Variants in PSG7 observed in about 807,000 individuals in gnomAD.
PSG7 encodes pregnancy-specific beta-1-glycoprotein 7.
In PSG7, 57 loss-of-function variants were observed where a neutral mutation model predicts 45.6. The ratio of observed to expected loss-of-function variants is 1.25; its 90% CI spans 1.01 to 1.56. PSG7 has a LOEUF of 1.56. Ranked by LOEUF, PSG7 falls within the 40% of genes most tolerant of loss-of-function variation. The probability of loss-of-function intolerance (pLI) is 0.00; values close to 1 mark genes in which losing one functional copy is unlikely to be tolerated. For synonymous variants in PSG7, 298 were observed against 194.4 expected (o/e 1.53, Z -4.43); for missense variants, 796 against 508.4 (o/e 1.57, Z -5.44).
chr19:42,935,604 T>C lies in PSG7; in HGVS notation c.230A>G (p.His77Arg). The change falls in exon 2 of 6, where the codon CAT becomes CGT. Residue 77 changes from histidine (H) to arginine (R), a missense_variant. By Grantham distance (29) the His-to-Arg change is conservative. Coordinates refer to ENST00000406070, the MANE Select transcript of PSG7 (RefSeq NM_002783.3). Reference sequence around the variant, plus strand: ...GTCTACTATATATGATGTAACATAATGGTAGAGGTCCCTGATTTGTCCTTT... The same window carrying C: ...GTCTACTATATATGATGTAACATAACGGTAGAGGTCCCTGATTTGTCCTTT... ...WYKGQIRDLY[H>R]YVTSYIVDGQ... The C allele has an allele frequency of 1.2e-6, 2 of 1,612,184 alleles. No homozygotes were observed. The highest frequency in any genetic ancestry group is 2.2e-5 in the South Asian group (2 of 90,812).
intron 4 of PSG7, 78 bp from the exon 5 acceptor site, chr19:42,926,105 T>C (rs1972881105): frequency 6.4e-7 from 1 of 1,564,916 alleles, no homozygotes; most frequent in African/African-American, 1.4e-5. Flanking sequence ...AGGGACAGAG[T>C]GACCCTCTGA....
intron 2 of PSG7, among the ~76,000 whole-genome samples, chr19:42,930,537 A>G (rs1395280751): frequency 6.6e-6 from 1 of 151,806 alleles, no homozygotes; most frequent in Non-Finnish European, 1.5e-5. Context: ...TTGCAAATAC[A>G]GAACTGACTG....
chr19:42,934,910 T>C (rs1454838922), intron 2 of PSG7, among the ~76,000 whole-genome samples: 1 of 151,668 alleles, frequency 6.6e-6, no homozygotes, highest in East Asian at 1.9e-4. Flanking sequence ...CTCAGACAGC[T>C]GGAAAATTCT....
At chr19:42,925,399 G>T (rs1972858852) in intron 5 of PSG7, 1 of 446,746 alleles carries the variant, frequency 2.2e-6, no homozygotes. Context: ...CAGAAGTATA[G>T]TTTATTGAAC....
At position 42,925,876 on chromosome 19, in the gene PSG7, A is replaced by G. The variant is rs1191274235; in HGVS notation, c.1140T>C (p.Ser380=). 1 of 1,612,118 alleles carries G rather than the reference A, an allele frequency of 6.2e-7. No individual in the cohort carries two copies. The highest frequency in any genetic ancestry group is 8.5e-7 in the Non-Finnish European group (1 of 1,179,100). ...TATGCTTTGTAGTAATCTGGGGGAT[A>G]GAAAGCTTTTGTCCTGATAGCTGAA... is the stretch of plus-strand genomic sequence containing the variant. ...GKFQLSGQKL[S]IPQITTKHSG... Residue 380 remains serine, a synonymous_variant, in exon 5 of 6, where the codon TCT becomes TCC. Coordinates refer to ENST00000406070, the MANE Select transcript of PSG7 (RefSeq NM_002783.3).
chr19:42,933,662 G>T (rs1973082561), intron 2 of PSG7, among the ~76,000 whole-genome samples: 2 of 150,814 alleles, frequency 1.3e-5, no homozygotes, highest in Admixed American at 1.3e-4. Flanking sequence ...AAGAAGCTGT[G>T]CAGGACAGGG....
chr19:42,934,925 C>G (rs756655161), intron 2 of PSG7, among the ~76,000 whole-genome samples: 54 of 151,610 alleles, frequency 3.6e-4, no homozygotes, highest in Non-Finnish European at 7.4e-4. Context: ...AATTCTTAGT[C>G]CCAGTAAGCC....
At chr19:42,927,952 A>G (rs1239852067) in intron 3 of PSG7, among the ~76,000 whole-genome samples, 1 of 151,716 alleles carries the variant, frequency 6.6e-6, no homozygotes, top group African/African-American at 2.4e-5. Flanking sequence ...TTTGTCATAT[A>G]CTTACTGGTT....
Position 42,928,419 on chromosome 19 carries a change from G to A in PSG7, c.709+1023C>T, listed in dbSNP as rs956637268. Among the ~76,000 whole-genome samples the A allele has an allele frequency of 2.6e-5, 4 of 151,556 alleles. 1 individual carries two copies. Among genetic ancestry groups the A allele is most frequent in the Non-Finnish European group, 4.4e-5 (3 of 67,896 alleles). On this transcript the variant is annotated intron_variant, in intron 3 of 5. Transcript: ENST00000406070. ...ATTGATTCTTCCAATCCATGAAAAT[G>A]AAATGTGTTTCCATATATTGATATC...
rs1973125457 is a variant in PSG7 at position 42,935,419 on chromosome 19, T to A, written c.415A>T (p.Thr139Ser). The A allele has an allele frequency of 6.2e-7, 1 of 1,611,724 alleles. No homozygotes were observed. Among genetic ancestry groups the A allele is most frequent in the Non-Finnish European group, 8.5e-7 (1 of 1,178,786 alleles). Residue 139 changes from threonine to serine, a missense_variant, in exon 2 of 6, where the codon ACC becomes TCC. Coordinates refer to ENST00000406070, the MANE Select transcript of PSG7 (RefSeq NM_002783.3). ...AATCACTCACGGTATAAGGTGAAGG[T>A]GAAACGTCCAGTTACTCCTCCAGTC... ...DGTGGVTGRF[T>S]FTLYLETPKP...
At chr19:42,934,225 C>G (rs1375424096) in intron 2 of PSG7, among the ~76,000 whole-genome samples, 1 of 151,448 alleles carries the variant, frequency 6.6e-6, no homozygotes. Context: ...TTTTTTTGCA[C>G]TGACTCTGAT....
At chr19:42,926,071 A>G (rs753709670) in intron 4 of PSG7, 44 bp from the exon 5 acceptor site, 3 of 1,601,010 alleles carry the variant, frequency 1.9e-6, no homozygotes, top group Non-Finnish European at 2.6e-6. Flanking sequence ...TATCCGAGGG[A>G]AGGGGATGCT....
At chr19:42,929,374 A>G in intron 3 of PSG7, 68 bp downstream of exon 3, 1 of 1,610,398 alleles carries the variant, frequency 6.2e-7, no homozygotes, top group South Asian at 1.1e-5. Context: ...AGGGACTGAG[A>G]AGCCCGGCCT....
intron 1 of PSG7, 73 bp from the exon 2 acceptor site, chr19:42,935,842 T>C (rs957548241): frequency 2.6e-6 from 4 of 1,520,452 alleles, no homozygotes; most frequent in African/African-American, 1.4e-5. Flanking sequence ...CCCTGGGTCC[T>C]GAGAAGGTCT....
chr19:42,934,939 C>A (rs1230539446), intron 2 of PSG7, among the ~76,000 whole-genome samples: 2 of 151,618 alleles, frequency 1.3e-5, no homozygotes, highest in Non-Finnish European at 2.9e-5. Context: ...GTAAGCCCTG[C>A]CCAAGAAACC....
intron 2 of PSG7, among the ~76,000 whole-genome samples, chr19:42,932,906 C>A (rs1973051056): frequency 6.6e-6 from 1 of 151,044 alleles, no homozygotes; most frequent in Non-Finnish European, 1.5e-5. Context: ...CTAATTGCTC[C>A]TATAGATAAC....
At position 42,929,510 on chromosome 19, in the gene PSG7, G is replaced by T; in HGVS notation, c.641C>A (p.Pro214His). 6.2e-7 allele frequency: 1 copy of T among 1,612,596 alleles called. No homozygotes were observed. Among genetic ancestry groups the T allele is most frequent in the Non-Finnish European group, 8.5e-7 (1 of 1,179,216 alleles). The change falls in exon 3 of 6, where the codon CCC becomes CAC. Residue 214 changes from proline (P) to histidine (H), a missense_variant. Transcript: ENST00000406070. Reference sequence around the variant, plus strand: ...TGGGTTCCGTATTTCACATTCATAGGGTCCTGCAGTATAGTTTGTGACACC... The same window carrying T: ...TGGGTTCCGTATTTCACATTCATAGTGTCCTGCAGTATAGTTTGTGACACC... ...LFGVTNYTAG[P>H]YECEIRNPVS...
intron 5 of PSG7, chr19:42,925,384 A>C: frequency 7.1e-6 from 3 of 421,364 alleles, no homozygotes. Flanking sequence ...TTCAATTATC[A>C]TTCCCAGAAG....
At chr19:42,933,735 A>G (rs2122695193) in intron 2 of PSG7, among the ~76,000 whole-genome samples, 1 of 151,082 alleles carries the variant, frequency 6.6e-6, no homozygotes, top group Non-Finnish European at 1.5e-5. Context: ...AGAGGCAGAG[A>G]CACCATGGCA....
Sources: allele counts gnomAD v4.1 joint callset (sites outside exome capture counted in the v4.1 genomes callset), GRCh38; gene constraint gnomAD v4.1.1; transcripts MANE v1.5; gene names NCBI Gene and HGNC (gene_info 2026-07-23, HGNC 2026-07-21).